KPNA5: variants seen among roughly 807,000 people sequenced by gnomAD.
KPNA5 encodes the protein importin subunit alpha-6.
KPNA5 carries 46 observed loss-of-function variants against 71.3 expected under a neutral mutation model. The observed-to-expected ratio is 0.65, with a 90% CI of 0.51 to 0.83. KPNA5 has a LOEUF of 0.83. Ranked by LOEUF, KPNA5 falls within the 40% of genes least tolerant of loss-of-function variation. The probability of loss-of-function intolerance (pLI) is 0.00; values close to 1 mark genes in which losing one functional copy is unlikely to be tolerated. For missense variants in KPNA5, 547 were observed against 628.3 expected, an observed-to-expected ratio of 0.87 and a Z score of 1.38; for synonymous variants, 207 against 201.4, an observed-to-expected ratio of 1.03 and a Z score of -0.24.
At chr6:116,716,397 G>A (rs1778890108) in intron 8 of KPNA5, 79 bp downstream of exon 8, 3 of 914,908 alleles carry the variant, frequency 3.3e-6, no homozygotes, top group Non-Finnish European at 5.2e-6. Flanking sequence ...GATGTTTAAG[G>A]AACTCCACTT....
chr6:116,695,703 T>A (rs1778000670), intron 4 of KPNA5, among the ~76,000 whole-genome samples: 1 of 152,230 alleles, frequency 6.6e-6, no homozygotes, highest in Admixed American at 6.5e-5. Flanking sequence ...AAGAAACCTT[T>A]TTGCAATCAA....
chr6:116,694,252 A>G (rs907634535), intron 4 of KPNA5, among the ~76,000 whole-genome samples: 109 of 152,312 alleles, frequency 7.2e-4, no homozygotes, highest in Non-Finnish European at 1.3e-3. Flanking sequence ...ACTTTAAAGT[A>G]GTTTTTTCCA....
chr6:116,717,525 C>A, intron 8 of KPNA5, among the ~76,000 whole-genome samples: 1 of 152,156 alleles, frequency 6.6e-6, no homozygotes, highest in East Asian at 1.9e-4. Flanking sequence ...TATGGGTCTG[C>A]AGCAACCTCA....
intron 6 of KPNA5, among the ~76,000 whole-genome samples, chr6:116,702,497 A>G (rs1583417754): frequency 2.0e-5 from 3 of 152,198 alleles, no homozygotes; most frequent in East Asian, 3.9e-4. Flanking sequence ...AGCCTGGCCA[A>G]CATGGCAAAA....
chr6:116,683,974 G>T (rs1777470471), intron 1 of KPNA5, among the ~76,000 whole-genome samples: 2 of 130,574 alleles, frequency 1.5e-5, no homozygotes, highest in African/African-American at 5.9e-5. Flanking sequence ...CCAGGCTGGA[G>T]CGATCTTGGC....
At chr6:116,683,819 G>T (rs1777457445) in intron 1 of KPNA5, among the ~76,000 whole-genome samples, 1 of 148,678 alleles carries the variant, frequency 6.7e-6, no homozygotes, top group Non-Finnish European at 1.5e-5. Flanking sequence ...AAATGGTCTC[G>T]ATCTCCTGAC....
At chr6:116,702,465 T>A (rs1778266128) in intron 6 of KPNA5, among the ~76,000 whole-genome samples, 1 of 152,110 alleles carries the variant, frequency 6.6e-6, no homozygotes, top group African/African-American at 2.4e-5. Flanking sequence ...AGCAGATCAC[T>A]TGAGGCCAGG....
At chr6:116,719,072 C>T (rs879934985) in intron 8 of KPNA5, among the ~76,000 whole-genome samples, 4 of 152,330 alleles carry the variant, frequency 2.6e-5, no homozygotes, top group East Asian at 1.9e-4. Context: ...GCATGAGCCA[C>T]CACACCAAGC....
chr6:116,711,417 G>T (rs1042270928), intron 7 of KPNA5, among the ~76,000 whole-genome samples: 2 of 150,814 alleles, frequency 1.3e-5, no homozygotes, highest in Admixed American at 6.6e-5. Flanking sequence ...AAGGTGGAAG[G>T]TTATCTTTTT....
chr6:116,722,190 A>G lies in KPNA5; in HGVS notation c.821A>G (p.Asp274Gly). ...LFSSDPDVLA[D>G]VCWALSYLSD... ...AGCAGTGACCCAGATGTGTTAGCAG[A>G]CGTGTGTTGGGCCCTTTCTTATCTC... The change falls in exon 9 of 14, where the codon GAC becomes GGC. Residue 274 changes from aspartate to glycine, a missense_variant. Coordinates refer to ENST00000368564, the MANE Select transcript of KPNA5 (RefSeq NM_001366306.2). 1.2e-6 allele frequency: 2 copies of G among 1,613,308 alleles called. No homozygotes were observed. The highest frequency in any genetic ancestry group is 8.5e-7 in the Non-Finnish European group (1 of 1,179,492).
chr6:116,701,410 T>C (rs1469291447), intron 5 of KPNA5, among the ~76,000 whole-genome samples: 4 of 152,172 alleles, frequency 2.6e-5, no homozygotes, highest in Admixed American at 2.6e-4. Flanking sequence ...CCATAATGTA[T>C]ATGTATATTC....
Position 116,691,097 on chromosome 6 carries a change from C to T in KPNA5, c.139-958C>T, listed in dbSNP as rs527584212. On this transcript the variant is annotated intron_variant, in intron 2 of 13. Transcript: ENST00000368564. ...TAAAAAAATTAGCCGAGCATGGTGG[C>T]GCACGCCTATAATCCCAGCTACTCA... Among the ~76,000 whole-genome samples the T allele has an allele frequency of 5.3e-5, 8 of 152,208 alleles. No individual in the cohort carries two copies. In the South Asian group the frequency reaches 1.2e-3, roughly 24 times the overall value.
intron 12 of KPNA5, 28 bp downstream of exon 12, chr6:116,726,650 T>G: frequency 6.6e-7 from 1 of 1,511,792 alleles, no homozygotes; most frequent in Non-Finnish European, 8.8e-7. Flanking sequence ...TAATTGTTTT[T>G]TACATGTAAA....
chr6:116,710,999 A>T (rs1283111949), intron 7 of KPNA5, among the ~76,000 whole-genome samples: 1 of 148,014 alleles, frequency 6.8e-6, no homozygotes, highest in Non-Finnish European at 1.5e-5. Context: ...GGTTCAAGCG[A>T]TTCTTTCACC....
intron 6 of KPNA5, among the ~76,000 whole-genome samples, chr6:116,704,121 A>G (rs1778344078): frequency 6.6e-6 from 1 of 151,616 alleles, no homozygotes; most frequent in Non-Finnish European, 1.5e-5. Flanking sequence ...CACTGCAACC[A>G]CCACCTCCTG....
intron 12 of KPNA5, among the ~76,000 whole-genome samples, chr6:116,728,781 C>G (rs560046649): frequency 6.6e-6 from 1 of 151,988 alleles, no homozygotes; most frequent in South Asian, 2.1e-4. Flanking sequence ...TGCTCAAGGT[C>G]ACACAACTAA....
chr6:116,695,109 C>T (rs1777972731), intron 4 of KPNA5, among the ~76,000 whole-genome samples: 1 of 152,042 alleles, frequency 6.6e-6, no homozygotes, highest in South Asian at 2.1e-4. Flanking sequence ...CATCACCACG[C>T]CCAGCTAATT....
Position 116,729,673 on chromosome 6 carries a change from G to T in KPNA5, c.1364G>T (p.Gly455Val). The T allele has an allele frequency of 6.2e-7, 1 of 1,610,638 alleles. No individual in the cohort carries two copies. Among genetic ancestry groups the T allele is most frequent in the Non-Finnish European group, 8.5e-7 (1 of 1,178,190 alleles). Residue 455 changes from glycine (G) to valine (V), a missense_variant, in exon 13 of 14, where the codon GGA becomes GTA. By Grantham distance (109) the Gly-to-Val change is moderately radical. Transcript: ENST00000368564. ...LNGLENILRL[G>V]EQESKQNGIG... ...GGACTTGAAAATATTTTACGTCTTGGAGAACAAGAATCTAAGCAGAATGGA... is the reference window on the plus strand; with the variant it reads ...GGACTTGAAAATATTTTACGTCTTGTAGAACAAGAATCTAAGCAGAATGGA...
At chr6:116,712,715 T>C (rs1314997841) in intron 7 of KPNA5, among the ~76,000 whole-genome samples, 3 of 152,204 alleles carry the variant, frequency 2.0e-5, no homozygotes, top group Non-Finnish European at 4.4e-5. Context: ...TTCTCCTGCA[T>C]TGGCCTCCCA....
Sources: gnomAD v4.1 joint callset for allele counts (sites outside exome capture counted in the v4.1 genomes callset) on GRCh38, gnomAD v4.1.1 for gene constraint, MANE v1.5 for transcripts, NCBI Gene and HGNC (gene_info 2026-07-23, HGNC 2026-07-21) for gene names.